Variants in PTPN12 observed in about 807,000 individuals in gnomAD.
PTPN12 encodes the protein protein tyrosine phosphatase non-receptor type 12, also known as tyrosine-protein phosphatase non-receptor type 12.
PTPN12 carries 29 observed loss-of-function variants against 97.6 expected under a neutral mutation model. The observed-to-expected ratio is 0.30, with a 90% CI of 0.22 to 0.41. PTPN12 has a LOEUF of 0.41. PTPN12 is among the 10% of genes least tolerant of loss of function. PTPN12 has a pLI of 1.00. For missense variants in PTPN12, 819 were observed against 926.0 expected, an observed-to-expected ratio of 0.88 and a Z score of 1.50; for synonymous variants, 327 against 300.4, an observed-to-expected ratio of 1.09 and a Z score of -0.91.
Position 77,537,536 on chromosome 7 carries a change from GA to G in PTPN12, c.-10del, listed in dbSNP as rs763344435. 8.8e-6 allele frequency: 14 copies of G among 1,586,742 alleles called. No individual in the cohort carries two copies. The Admixed American group carries it at 2.4e-4, about 28-fold the overall frequency. The stretch of plus-strand genomic sequence containing the variant: ...GGGGGCCAGCGACCGCAGCCGGGGG[GA>G]CGCGGGAGGATGGAGCAAGTGGAGA... On this transcript the variant is annotated 5_prime_UTR_variant, in exon 1 of 18. Coordinates refer to ENST00000248594, the MANE Select transcript of PTPN12 (RefSeq NM_002835.4).
At chr7:77,554,272 T>C (rs537797513) in intron 1 of PTPN12, among the ~76,000 whole-genome samples, 3 of 152,246 alleles carry the variant, frequency 2.0e-5, no homozygotes, top group Non-Finnish European at 4.4e-5. Context: ...GCTGGGTGTT[T>C]TCACTTTTTT....
intron 8 of PTPN12, 71 bp from the exon 9 acceptor site, chr7:77,607,162 CAT>C (rs1788402570): frequency 1.7e-6 from 2 of 1,169,862 alleles, no homozygotes; most frequent in African/African-American, 1.6e-5. Context: ...TGAATATTAA[CAT>C]GTCTATCCAC....
chr7:77,626,749 C>T lies in PTPN12; in HGVS notation c.1070C>T (p.Pro357Leu). The T allele has an allele frequency of 6.2e-7, 1 of 1,611,328 alleles. No homozygotes were observed. The highest frequency in any genetic ancestry group is 8.5e-7 in the Non-Finnish European group (1 of 1,179,058). Residue 357 changes from proline to leucine, a missense_variant, in exon 13 of 18, where the codon CCG becomes CTG. Physicochemically the swap from Pro to Leu is moderately conservative, Grantham distance 98. Around this residue, in one of 5 missense-constraint regions of PTPN12, gnomAD observed 607 missense variants for 577.3 expected, o/e 1.05. Transcript: ENST00000248594. Reference protein sequence around the residue: ...GDAKEEILQPPEPHPVPPILT... With the variant: ...GDAKEEILQPLEPHPVPPILT... Reference sequence around the variant, plus strand: ...GCTAAAGAAGAAATACTGCAGCCACCGGAACCTCATCCAGTGCCACCCATC... The same window carrying T: ...GCTAAAGAAGAAATACTGCAGCCACTGGAACCTCATCCAGTGCCACCCATC...
At chr7:77,554,062 C>T (rs1807593940) in intron 1 of PTPN12, among the ~76,000 whole-genome samples, 1 of 152,124 alleles carries the variant, frequency 6.6e-6, no homozygotes, top group African/African-American at 2.4e-5. Context: ...AACTTCTGGG[C>T]TCACGTGATC....
intron 7 of PTPN12, among the ~76,000 whole-genome samples, chr7:77,599,829 CT>C (rs1367404656): frequency 6.6e-6 from 1 of 152,142 alleles, no homozygotes; most frequent in African/African-American, 2.4e-5. Flanking sequence ...ATTGCTCTTT[CT>C]GTTAAACACC....
chr7:77,569,994 C>T (rs1314251756), intron 1 of PTPN12, among the ~76,000 whole-genome samples: 1 of 152,142 alleles, frequency 6.6e-6, no homozygotes, highest in African/African-American at 2.4e-5. Context: ...CTTTTGAATA[C>T]AGTTTTTCCT....
At chr7:77,588,564 TGAA>T (rs1365221766) in intron 5 of PTPN12, among the ~76,000 whole-genome samples, 2 of 152,162 alleles carry the variant, frequency 1.3e-5, no homozygotes, top group Non-Finnish European at 2.9e-5. Context: ...GACACAGACC[TGAA>T]GTGAGCATAT....
intron 2 of PTPN12, among the ~76,000 whole-genome samples, chr7:77,571,402 C>T (rs1369856697): frequency 2.0e-5 from 3 of 152,104 alleles, no homozygotes; most frequent in African/African-American, 7.2e-5. Context: ...ATCACAGTTG[C>T]TCTAATACTA....
At chr7:77,579,773 G>A (rs183246242) in intron 2 of PTPN12, among the ~76,000 whole-genome samples, 1 of 152,238 alleles carries the variant, frequency 6.6e-6, no homozygotes, top group Admixed American at 6.5e-5. Flanking sequence ...AACAGACGTG[G>A]AAAAATGGGC....
At chr7:77,569,226 T>C (rs1294435871) in intron 1 of PTPN12, among the ~76,000 whole-genome samples, 1 of 152,212 alleles carries the variant, frequency 6.6e-6, no homozygotes, top group Non-Finnish European at 1.5e-5. Context: ...GCAAATGTTT[T>C]TATTTCTTTT....
intron 8 of PTPN12, among the ~76,000 whole-genome samples, chr7:77,601,292 G>A (rs996863854): frequency 4.6e-5 from 7 of 152,120 alleles, no homozygotes; most frequent in African/African-American, 1.4e-4. Context: ...CTGGCCTGAC[G>A]TGATCCTTCT....
chr7:77,537,650 GTC>G lies in PTPN12; in HGVS notation c.99+10_99+11del, dbSNP rs764493774. On this transcript the variant is annotated splice_donor_region_variant and intron_variant, in intron 1 of 17. Coordinates refer to ENST00000248594, the MANE Select transcript of PTPN12 (RefSeq NM_002835.4). The stretch of plus-strand genomic sequence containing the variant: ...AACTTCGCCCGGGACTTCATGGTGA[GTC>G]TCTCCCCTCGCTGTCGCGTTTTCTT... 2 of 1,589,198 alleles carry G rather than the reference GTC, an allele frequency of 1.3e-6. No homozygotes were observed. The highest frequency in any genetic ancestry group is 1.4e-5 in the African/African-American group (1 of 72,696).
At chr7:77,585,654 TTAACA>T in intron 5 of PTPN12, 73 bp downstream of exon 5, 1 of 1,352,278 alleles carries the variant, frequency 7.4e-7, no homozygotes. Context: ...TATTATAGTC[TTAACA>T]TAAGCGGTTA....
At chr7:77,548,350 A>G (rs944496716) in intron 1 of PTPN12, among the ~76,000 whole-genome samples, 1 of 152,238 alleles carries the variant, frequency 6.6e-6, no homozygotes, top group Non-Finnish European at 1.5e-5. Context: ...TTGTGACCAG[A>G]ACCAACGTGA....
chr7:77,637,040 A>G lies in PTPN12; in HGVS notation c.2165A>G (p.Glu722Gly). The change falls in exon 16 of 18, where the codon GAG becomes GGG. Residue 722 changes from glutamate to glycine, a missense_variant. Transcript: ENST00000248594. ...TAGGGCTTGATAACCTCTGAAAATGAGAAATGTGGTAAGTTGTTAGATTTT... is the reference window on the plus strand; with the variant it reads ...TAGGGCTTGATAACCTCTGAAAATGGGAAATGTGGTAAGTTGTTAGATTTT... Reference protein sequence around the residue: ...KSEGLITSENEKCDHPAGGIH... With the variant: ...KSEGLITSENGKCDHPAGGIH... 6.2e-7 allele frequency: 1 copy of G among 1,607,168 alleles called. No homozygotes were observed. The highest frequency in any genetic ancestry group is 8.5e-7 in the Non-Finnish European group (1 of 1,174,640).
At chr7:77,562,333 G>A (rs1458055262) in intron 1 of PTPN12, among the ~76,000 whole-genome samples, 1 of 152,226 alleles carries the variant, frequency 6.6e-6, no homozygotes, top group Non-Finnish European at 1.5e-5. Flanking sequence ...GATTACAGGA[G>A]TGAGCCACTG....
rs150064691 is a variant in PTPN12, at chr7:77,639,336, A to C, written c.*56A>C. On this transcript the variant is annotated 3_prime_UTR_variant, in exon 18 of 18. Transcript: ENST00000248594. ...ACTGGAAAATTCAGGTGCCACTGAA[A>C]GCCAGATTTATAGTATTCCATCTTT... 9,075 of 1,388,108 alleles carry C rather than the reference A, an allele frequency of 6.5e-3. 141 individuals carry two copies. Among genetic ancestry groups the C allele is most frequent in the Non-Finnish European group, 5.9e-3 (5,788 of 982,284 alleles). 86.0% of individuals were successfully genotyped at this position (1,388,108 alleles called of 1,614,324 possible).
intron 12 of PTPN12, among the ~76,000 whole-genome samples, chr7:77,625,472 G>GCTCTCTCTCGCTCTCTCTCT (rs1789112979): frequency 3.0e-5 from 1 of 33,522 alleles, no homozygotes; most frequent in Non-Finnish European, 5.0e-5. Flanking sequence ...CAGGCTGCTC[G>GCTCTCTCTCGCTCTCTCTCT]CTCTCTCTCT....
At chr7:77,614,692 T>C (rs1205249139) in intron 11 of PTPN12, among the ~76,000 whole-genome samples, 1 of 152,212 alleles carries the variant, frequency 6.6e-6, no homozygotes, top group East Asian at 1.9e-4. Context: ...GATGGCTGTC[T>C]GTGGTTGCAG....
Sources: gnomAD v4.1 joint callset for allele counts (sites outside exome capture counted in the v4.1 genomes callset) on GRCh38, gnomAD v4.1.1 for gene constraint, gnomAD v4.1.1 regional missense constraint, MANE v1.5 for transcripts, NCBI Gene and HGNC (gene_info 2026-07-23, HGNC 2026-07-21) for gene names.